Variants in RABGAP1L observed in about 807,000 individuals in gnomAD.
The protein encoded by RABGAP1L is rab GTPase-activating protein 1-like.
In RABGAP1L, 63 loss-of-function variants were observed where a neutral mutation model predicts 137.7. The observed-to-expected ratio is 0.46, with a 90% CI of 0.37 to 0.56. The LOEUF (loss-of-function observed/expected upper bound fraction) is 0.56. Among genes scored for constraint, RABGAP1L ranks in the 20% least tolerant of loss-of-function variants. The pLI is 0.00. For synonymous variants in RABGAP1L, 431 were observed against 433.7 expected (o/e 0.99, Z 0.08); for missense variants, 1,095 against 1,244.0 (o/e 0.88, Z 1.80).
At chr1:174,746,123 G>A (rs2148662893) in intron 17 of RABGAP1L, among the ~76,000 whole-genome samples, 1 of 152,276 alleles carries the variant, frequency 6.6e-6, no homozygotes, top group South Asian at 2.1e-4. Context: ...CTGCTTATCA[G>A]AGCCAGAATG....
chr1:174,210,372 A>C (rs1049258635), intron 1 of RABGAP1L, among the ~76,000 whole-genome samples: 1 of 152,236 alleles, frequency 6.6e-6, no homozygotes, highest in Non-Finnish European at 1.5e-5. Flanking sequence ...ATTCTATCAG[A>C]TATATTGAAC....
intron 15 of RABGAP1L, among the ~76,000 whole-genome samples, chr1:174,693,236 T>A (rs1008669638): frequency 2.0e-5 from 3 of 152,220 alleles, no homozygotes; most frequent in African/African-American, 7.2e-5. Context: ...CTTCACTGAT[T>A]TCCCACTGCA....
intron 13 of RABGAP1L, among the ~76,000 whole-genome samples, chr1:174,636,760 G>T (rs969699064): frequency 6.6e-6 from 1 of 152,180 alleles, no homozygotes; most frequent in Non-Finnish European, 1.5e-5. Flanking sequence ...TGGAATGACA[G>T]TTCTGGAGAG....
At chr1:174,274,437 T>G (rs1674800390) in intron 8 of RABGAP1L, among the ~76,000 whole-genome samples, 2 of 152,160 alleles carry the variant, frequency 1.3e-5, no homozygotes, top group Admixed American at 1.3e-4. Context: ...GCTATAGTAT[T>G]TGGTACAGTA....
At position 174,241,594 on chromosome 1, in the gene RABGAP1L, A is replaced by G; in HGVS notation, c.654A>G (p.Thr218=). ...GTTESNCFAF[T]ESSHGSEEFQ... is the part of the protein sequence containing the mutation. ...CAGAGAGCAATTGCTTTGCATTTAC[A>G]GAGAGTTCCCATGGTTCGGAAGAAT... Residue 218 remains threonine, a synonymous_variant, in exon 5 of 26, where the codon ACA becomes ACG. Coordinates refer to ENST00000681986, the MANE Select transcript of RABGAP1L (RefSeq NM_001366446.1). 2 of 1,613,998 alleles carry G rather than the reference A, an allele frequency of 1.2e-6. No homozygotes were observed. The highest frequency in any genetic ancestry group is 8.5e-7 in the Non-Finnish European group (1 of 1,179,920).
Position 174,538,216 on chromosome 1 carries a change from A to G in RABGAP1L, c.1711-99159A>G, listed in dbSNP as rs189292024. 2.6e-3 allele frequency among the ~76,000 whole-genome samples: 403 copies of G among 152,202 alleles called. 4 individuals are homozygous for G. The highest frequency in any genetic ancestry group is 9.2e-3 in the African/African-American group (380 of 41,512). On this transcript the variant is annotated intron_variant, in intron 13 of 25. Transcript: ENST00000681986. The stretch of plus-strand genomic sequence containing the variant: ...GCTGTGAACATTTGAACTATTTCCA[A>G]AGTCCAGATCAAATGCCTAGTCCCT...
chr1:174,631,301 C>T (rs1198789795), intron 13 of RABGAP1L, among the ~76,000 whole-genome samples: 4 of 136,280 alleles, frequency 2.9e-5, no homozygotes, highest in Non-Finnish European at 6.1e-5. Flanking sequence ...CTGAGGAGAG[C>T]TTTACTTCCA....
chr1:174,409,789 TC>T (rs1649696731), intron 13 of RABGAP1L, among the ~76,000 whole-genome samples: 3 of 152,160 alleles, frequency 2.0e-5, no homozygotes, highest in Admixed American at 2.0e-4. Context: ...TGCCGTACCC[TC>T]AGGCTTACTA....
At chr1:174,805,218 GGTAA>G in intron 18 of RABGAP1L, among the ~76,000 whole-genome samples, 1 of 152,132 alleles carries the variant, frequency 6.6e-6, no homozygotes, top group South Asian at 2.1e-4. Flanking sequence ...ATATCACTGG[GGTAA>G]GTGCAAAGGA....
chr1:174,292,206 ATTT>A (rs984377033), intron 10 of RABGAP1L, among the ~76,000 whole-genome samples: 1 of 148,452 alleles, frequency 6.7e-6, no homozygotes, highest in African/African-American at 2.5e-5. Flanking sequence ...TTGGCTTTTT[ATTT>A]TTGTATGGAT....
intron 13 of RABGAP1L, among the ~76,000 whole-genome samples, chr1:174,487,873 G>C (rs567965149): frequency 1.3e-5 from 2 of 152,188 alleles, no homozygotes; most frequent in South Asian, 4.2e-4. Flanking sequence ...ACTTCACACT[G>C]TTTGTATAAA....
chr1:174,598,431 G>T (rs1670146769), intron 13 of RABGAP1L, among the ~76,000 whole-genome samples: 1 of 151,654 alleles, frequency 6.6e-6, no homozygotes, highest in African/African-American at 2.4e-5. Context: ...GGTCCATTTG[G>T]TTTATAGTGC....
intron 18 of RABGAP1L, among the ~76,000 whole-genome samples, chr1:174,763,953 A>G (rs1028060948): frequency 6.6e-6 from 1 of 152,078 alleles, no homozygotes; most frequent in Admixed American, 6.6e-5. Context: ...TAAGCATAGT[A>G]GCCACTTCCC....
intron 19 of RABGAP1L, among the ~76,000 whole-genome samples, chr1:174,832,572 T>C (rs1279056530): frequency 1.4e-5 from 2 of 147,938 alleles, no homozygotes; most frequent in African/African-American, 4.9e-5. Context: ...CTAAGTGCTA[T>C]GAGCATGTTG....
At chr1:174,168,194 G>A (rs1241442050) in intron 1 of RABGAP1L, among the ~76,000 whole-genome samples, 1 of 146,846 alleles carries the variant, frequency 6.8e-6, no homozygotes, top group Non-Finnish European at 1.5e-5. Flanking sequence ...GAACCTGGGA[G>A]ATGGAGGTTG....
At chr1:174,733,961 A>G (rs1274748497) in intron 17 of RABGAP1L, among the ~76,000 whole-genome samples, 1 of 152,184 alleles carries the variant, frequency 6.6e-6, no homozygotes, top group South Asian at 2.1e-4. Context: ...AATTTGGGAT[A>G]TGTTTACCAA....
intron 19 of RABGAP1L, among the ~76,000 whole-genome samples, chr1:174,828,245 A>G (rs1287791802): frequency 1.4e-5 from 2 of 147,752 alleles, no homozygotes; most frequent in Non-Finnish European, 3.0e-5. Flanking sequence ...ACTGTCTCAT[A>G]ACTGGTCTCT....
chr1:174,843,150 G>A (rs1313860873), intron 19 of RABGAP1L, among the ~76,000 whole-genome samples: 2 of 149,880 alleles, frequency 1.3e-5, no homozygotes, highest in African/African-American at 4.9e-5. Context: ...TTTTTCCTCT[G>A]TGCCTTTATT....
chr1:174,409,420 A>G (rs12096718), intron 13 of RABGAP1L, among the ~76,000 whole-genome samples: 18,679 of 152,104 alleles, frequency 0.12, 3,878 homozygotes, highest in African/African-American at 0.42. Context: ...CTTCGGGAGC[A>G]CTATAATTGT....
Sources: gnomAD v4.1 joint callset for allele counts (sites outside exome capture counted in the v4.1 genomes callset) on GRCh38, gnomAD v4.1.1 for gene constraint, MANE v1.5 for transcripts, NCBI Gene and HGNC (gene_info 2026-07-23, HGNC 2026-07-21) for gene names.